The following XPNPEP2 variants were observed in gnomAD, a reference collection of about 807,000 sequenced individuals.
XPNPEP2 encodes the protein xaa-Pro aminopeptidase 2.
In XPNPEP2, 64 loss-of-function variants were observed where a neutral mutation model predicts 59.8. The observed-to-expected ratio is 1.07, with a 90% CI of 0.87 to 1.32. The LOEUF (loss-of-function observed/expected upper bound fraction) is 1.32, where lower values mean the gene tolerates loss of function less well. XPNPEP2 is among the 40% of genes most tolerant of loss of function. XPNPEP2 has a pLI of 0.00. For missense variants in XPNPEP2, 575 were observed against 546.8 expected (o/e 1.05, Z -0.51); for synonymous variants, 235 against 210.0 (o/e 1.12, Z -1.03).
intron 14 of XPNPEP2, among the ~76,000 whole-genome samples, chrX:129,757,882 A>G (rs1926570594): frequency 6.0e-5 from 5 of 82,904 alleles, no homozygotes; most frequent in Admixed American, 3.2e-4. Flanking sequence ...AAAGAGAGAG[A>G]GAGAGAGAGA....
intron 14 of XPNPEP2, among the ~76,000 whole-genome samples, chrX:129,757,943 GAAA>G (rs1926584033): frequency 1.0e-5 from 1 of 95,832 alleles, no homozygotes; most frequent in Admixed American, 1.1e-4. Flanking sequence ...AAGAAAGAAA[GAAA>G]GAAAGAAAGA....
At position 129,759,709 on chromosome X, in the gene XPNPEP2, T is replaced by C. The variant is rs753095452; in HGVS notation, c.1428+469T>C. On this transcript the variant is annotated intron_variant, in intron 15 of 20. Coordinates refer to ENST00000371106, the MANE Select transcript of XPNPEP2 (RefSeq NM_003399.6). ...AGCAGCGAGCTGCCGTCATGCTGCA[T>C]GCAGCAGGCCGACTATGGGGCAGAC... Among the ~76,000 whole-genome samples, 3 of 112,864 alleles carry C rather than the reference T, an allele frequency of 2.7e-5. No homozygotes were observed. The East Asian group carries it at 8.4e-4, about 32-fold the overall frequency.
intron 14 of XPNPEP2, among the ~76,000 whole-genome samples, chrX:129,757,873 A>AAGAGAG (rs200174393): frequency 3.1e-4 from 21 of 66,742 alleles, no homozygotes; most frequent in African/African-American, 1.1e-3. Context: ...GAGAGAGAGA[A>AAGAGAG]AGAGAGAGAG....
rs954065304 is a variant in XPNPEP2, at chrX:129,742,022, C to T, written c.50-86C>T. On this transcript the variant is annotated intron_variant, in intron 1 of 20. Coordinates refer to ENST00000371106, the MANE Select transcript of XPNPEP2 (RefSeq NM_003399.6). ...CGTGCGTTTCAAAGGATGGAGGCCC[C>T]GTGGGGCGGGCTGAGAGGATACTCC... The T allele has an allele frequency of 4.1e-5, 37 of 911,734 alleles. No individual in the cohort carries two copies. The East Asian group carries it at 4.8e-4, about 12-fold the overall frequency. 75.1% of individuals were successfully genotyped at this position (911,734 alleles called of 1,213,427 possible).
chrX:129,739,404 C>CCCCAACACTGGCCCTG, intron 1 of XPNPEP2, 142 bp downstream of exon 1: 2 of 588,772 alleles, frequency 3.4e-6, no homozygotes, highest in Non-Finnish European at 5.2e-6. Context: ...ACCTCAGGGC[C>CCCCAACACTGGCCCTG]AGTGTTGGGG....
At chrX:129,759,305 C>T (rs1926612959) in intron 15 of XPNPEP2, 65 bp downstream of exon 15, 3 of 1,164,827 alleles carry the variant, frequency 2.6e-6, no homozygotes, top group African/African-American at 1.8e-5. Flanking sequence ...CAGTCAAGAT[C>T]CCTTCCATTT....
chrX:129,754,637 G>T, intron 12 of XPNPEP2, 56 bp downstream of exon 12: 1 of 1,043,214 alleles, frequency 9.6e-7, no homozygotes, highest in Non-Finnish European at 1.3e-6. Context: ...GGCAGTGGGG[G>T]CAGGGAGGGG....
In XPNPEP2 at chrX:129,768,648, C is replaced by A. The variant is rs17314665; in HGVS notation, c.*163C>A. 0.062 allele frequency: 26,299 copies of A among 424,864 alleles called. 2,950 individuals are homozygous for A. The highest frequency in any genetic ancestry group is 0.39 in the East Asian group (8,764 of 22,462). The allele number at this position is 424,864 out of a possible 1,213,427, so 35.0% of individuals were successfully genotyped here. On this transcript the variant is annotated 3_prime_UTR_variant, in exon 21 of 21. Transcript: ENST00000371106. Reference sequence around the variant, plus strand: ...CAAGACCTATGGAGAAGGTCCCAGGCCCCAGGAACACAGGGCTTCTTGGCC... The same window carrying A: ...CAAGACCTATGGAGAAGGTCCCAGGACCCAGGAACACAGGGCTTCTTGGCC...
At chrX:129,755,182 C>G in intron 12 of XPNPEP2, 112 bp from the exon 13 acceptor site, 1 of 698,617 alleles carries the variant, frequency 1.4e-6, no homozygotes, top group Non-Finnish European at 2.2e-6. Context: ...CAAATGGTGT[C>G]CAGTTGAGAG....
intron 20 of XPNPEP2, 103 bp from the exon 21 acceptor site, chrX:129,768,188 A>C (rs1926786857): frequency 2.4e-6 from 2 of 825,370 alleles, no homozygotes; most frequent in Non-Finnish European, 3.4e-6. Context: ...CATCTGGACT[A>C]TGGTGACAGC....
chrX:129,757,170 T>A (rs376116321), intron 14 of XPNPEP2, among the ~76,000 whole-genome samples: 25 of 105,985 alleles, frequency 2.4e-4, no homozygotes, highest in African/African-American at 8.0e-4. Flanking sequence ...TGACCTCAGG[T>A]GATCCACCTG....
At position 129,750,739 on chromosome X, in the gene XPNPEP2, A is replaced by C. The variant is rs143638062; in HGVS notation, c.739+170A>C. On this transcript the variant is annotated intron_variant, in intron 8 of 20. Coordinates refer to ENST00000371106, the MANE Select transcript of XPNPEP2 (RefSeq NM_003399.6). ...GAACCAAGAAGGGTAAGGGGGCAGG[A>C]GCTCATGGCTTCAGAAAAAGGACAA... Among the ~76,000 whole-genome samples, 826 of 112,490 alleles carry C rather than the reference A, an allele frequency of 7.3e-3. 13 individuals are homozygous for C. The highest frequency in any genetic ancestry group is 0.025 in the African/African-American group (780 of 30,916).
Position 129,752,258 on chromosome X carries a change from C to G in XPNPEP2, c.930C>G (p.Asp310Glu). 1.6e-6 allele frequency: 2 copies of G among 1,212,130 alleles called. No individual in the cohort carries two copies. The highest frequency in any genetic ancestry group is 2.2e-6 in the Non-Finnish European group (2 of 895,599). ...TCGAGGATTACAGCCAAGTTCGTGA[C>G]AGCATCCAGGCCTACTCATTGGGAG... ...VQIEDYSQVR[D>E]SIQAYSLGDV... Residue 310 changes from aspartate to glutamate, a missense_variant, in exon 10 of 21, where the codon GAC becomes GAG. Physicochemically the swap from Asp to Glu is conservative, Grantham distance 45 (BLOSUM62 2). Transcript: ENST00000371106.
chrX:129,748,880 GAAAA>G (rs1926345873), intron 7 of XPNPEP2, among the ~76,000 whole-genome samples: 2 of 111,352 alleles, frequency 1.8e-5, no homozygotes, highest in Non-Finnish European at 3.8e-5. Context: ...CAGTCTTCAA[GAAAA>G]AGGCACCTGG....
At chrX:129,766,905 A>T (rs1332917230) in intron 19 of XPNPEP2, among the ~76,000 whole-genome samples, 1 of 111,456 alleles carries the variant, frequency 9.0e-6, no homozygotes, top group Non-Finnish European at 1.9e-5. Context: ...AAGAGCAGGG[A>T]AAACTGTCTT....
rs1175754834 is a variant in XPNPEP2 at position 129,747,690 on chromosome X, TG to T, written c.578del (p.Gly193AspfsTer95). ...CACAACCAATCTTGTGGACCTGGTA[TG>T]GGGATCAGAGAGGCCACCGGTTCCA... ...SITTNLVDLV[W>X]GSERPPVPNQ... On this transcript the variant is annotated frameshift_variant, in exon 7 of 21. Transcript: ENST00000371106. LOFTEE classifies it high-confidence loss of function. 8.3e-7 allele frequency: 1 copy of T among 1,210,648 alleles called. No individual in the cohort carries two copies. Among genetic ancestry groups the T allele is most frequent in the Non-Finnish European group, 1.1e-6 (1 of 895,368 alleles).
chrX:129,759,356 C>T (rs1926613652), intron 15 of XPNPEP2, 116 bp downstream of exon 15: 12 of 895,026 alleles, frequency 1.3e-5, no homozygotes, highest in Non-Finnish European at 1.7e-5. Flanking sequence ...AAGTAGTTTG[C>T]CCAAGGTGAC....
chrX:129,768,145 C>A, intron 20 of XPNPEP2, 146 bp from the exon 21 acceptor site: 1 of 522,662 alleles, frequency 1.9e-6, no homozygotes, highest in Admixed American at 4.3e-5. Flanking sequence ...CCAGAGAATT[C>A]CTGAAGCCTG....
chrX:129,750,631 G>A lies in XPNPEP2; in HGVS notation c.739+62G>A, dbSNP rs776047401. 2,658 of 964,349 alleles carry A rather than the reference G, an allele frequency of 2.8e-3. 3 individuals carry two copies. Among genetic ancestry groups the A allele is most frequent in the African/African-American group, 4.1e-3 (214 of 52,178 alleles). 79.5% of individuals were successfully genotyped at this position (964,349 alleles called of 1,213,427 possible). The stretch of plus-strand genomic sequence containing the variant: ...GTCTCCCCAATGCCCCAAGCCTCCC[G>A]GGCCCTGCAGCACAGAGCTAGCTCT... On this transcript the variant is annotated intron_variant, in intron 8 of 20. Coordinates refer to ENST00000371106, the MANE Select transcript of XPNPEP2 (RefSeq NM_003399.6).
Sources: allele counts gnomAD v4.1 joint callset (sites outside exome capture counted in the v4.1 genomes callset), GRCh38; gene constraint gnomAD v4.1.1; transcripts MANE v1.5; gene names NCBI Gene and HGNC (gene_info 2026-07-23, HGNC 2026-07-21).